Variants in TIAM2 observed in about 807,000 individuals in gnomAD.
TIAM2 encodes the protein TIAM Rac1 associated GEF 2.
TIAM2 carries 80 observed loss-of-function variants against 152.9 expected under a neutral mutation model. The observed-to-expected ratio is 0.52, with a 90% CI of 0.44 to 0.63. The LOEUF is 0.63. TIAM2 is among the 30% of genes least tolerant of loss of function. The pLI, the probability that TIAM2 is intolerant of heterozygous loss-of-function variation, is 0.00. For missense variants in TIAM2, 1,965 were observed against 2,120.1 expected, an observed-to-expected ratio of 0.93 and a Z score of 1.44; for synonymous variants, 804 against 838.0, an observed-to-expected ratio of 0.96 and a Z score of 0.70.
chr6:155,028,677 A>G (rs1457833509), intron 1 of TIAM2, among the ~76,000 whole-genome samples: 1 of 131,736 alleles, frequency 7.6e-6, no homozygotes, highest in African/African-American at 2.9e-5. Context: ...TGTGTTATAT[A>G]TATACTACAT....
intron 1 of TIAM2, among the ~76,000 whole-genome samples, chr6:155,064,755 G>A (rs1280770459): frequency 6.6e-6 from 1 of 152,060 alleles, no homozygotes; most frequent in East Asian, 1.9e-4. Flanking sequence ...CTTTCAGGCC[G>A]CATATTTATT....
intron 1 of TIAM2, among the ~76,000 whole-genome samples, chr6:155,055,232 C>T (rs1036293474): frequency 1.3e-5 from 2 of 152,174 alleles, no homozygotes; most frequent in African/African-American, 4.8e-5. Flanking sequence ...CCTTTTGTGG[C>T]ACTTGCTGAA....
intron 19 of TIAM2, among the ~76,000 whole-genome samples, chr6:155,246,832 T>G (rs543782866): frequency 2.6e-5 from 4 of 152,380 alleles, no homozygotes; most frequent in African/African-American, 9.6e-5. Flanking sequence ...TTGCATCTCC[T>G]AGAATGTTGT....
rs952865282 is a variant in TIAM2 at position 155,156,329 on chromosome 6, TC to T, written c.2028+7997del. Among the ~76,000 whole-genome samples the T allele has an allele frequency of 3.3e-5, 5 of 152,134 alleles. No homozygotes were observed. Among genetic ancestry groups the T allele is most frequent in the African/African-American group, 7.2e-5 (3 of 41,428 alleles). ...GTTTCGCCCTTCGTCTGATGCATCT[TC>T]CATACAACAGCCAGACTGGGTTGCA... is the stretch of plus-strand genomic sequence containing the variant. On this transcript the variant is annotated intron_variant, in intron 7 of 26. Transcript: ENST00000682666. This position sits in a 1 kb window ranked among gnomAD's most constrained non-coding sequence, Gnocchi z 4.4.
intron 15 of TIAM2, chr6:155,216,593 A>G (rs1308216324): frequency 2.0e-5 from 3 of 153,122 alleles, no homozygotes; most frequent in African/African-American, 7.2e-5. Flanking sequence ...ATTGTTAGCA[A>G]TTAGCATGTG....
chr6:155,234,201 T>C (rs753895646), intron 15 of TIAM2, among the ~76,000 whole-genome samples: 3 of 152,184 alleles, frequency 2.0e-5, no homozygotes, highest in Non-Finnish European at 4.4e-5. Flanking sequence ...GAGGCCCCCA[T>C]TTCAAGTGCC....
chr6:155,004,478 C>A (rs1778365515), intron 1 of TIAM2, among the ~76,000 whole-genome samples: 1 of 152,174 alleles, frequency 6.6e-6, no homozygotes, highest in Non-Finnish European at 1.5e-5. Context: ...GCAACCCCCA[C>A]CTCCTGGGTT....
intron 1 of TIAM2, among the ~76,000 whole-genome samples, chr6:155,025,984 C>G (rs560169501): frequency 1.1e-4 from 16 of 152,156 alleles, no homozygotes; most frequent in African/African-American, 3.4e-4. Context: ...ATGGAACACC[C>G]GCTAGTCTAC....
At chr6:155,255,357 T>C (rs1783933056) in intron 26 of TIAM2, 1 of 152,194 alleles carries the variant, frequency 6.6e-6, no homozygotes, top group African/African-American at 2.4e-5. Flanking sequence ...TCTGCTTGTT[T>C]CTAAAATTTC....
At chr6:155,028,256 A>G (rs1156988384) in intron 1 of TIAM2, among the ~76,000 whole-genome samples, 10 of 130,730 alleles carry the variant, frequency 7.6e-5, no homozygotes, top group Non-Finnish European at 1.3e-4. Flanking sequence ...ACTGTGTTAC[A>G]TATATACTAC....
chr6:155,250,990 A>G lies in TIAM2; in HGVS notation c.4029A>G (p.Lys1343=). ...SWLNPFLSLG[K]ARKDLELTVF... is the part of the protein sequence containing the mutation. ...TGAATCCATTTCTGTCTCTAGGAAA[A>G]GCTAGAAAGGACCTTGAGCTCACAG... Residue 1343 remains lysine (K), a synonymous_variant, in exon 22 of 27, where the codon AAA becomes AAG. Coordinates refer to ENST00000682666, the MANE Select transcript of TIAM2 (RefSeq NM_012454.4). 6.2e-7 allele frequency: 1 copy of G among 1,614,118 alleles called. No individual in the cohort carries two copies. The highest frequency in any genetic ancestry group is 1.3e-5 in the African/African-American group (1 of 75,034).
Position 155,213,486 on chromosome 6 carries a change from C to T in TIAM2, c.3168+2179C>T, listed in dbSNP as rs1781770975. On this transcript the variant is annotated intron_variant, in intron 15 of 26. Coordinates refer to ENST00000682666, the MANE Select transcript of TIAM2 (RefSeq NM_012454.4). The surrounding 1 kb of genome is among the most constrained non-coding windows in gnomAD (Gnocchi z 4.2). ...ATTGTCTCTTTGAGTCTGGCTGAGT[C>T]CAGGGCTCAGAGGGGTGGAAATGTG... 6.6e-6 allele frequency among the ~76,000 whole-genome samples: 1 copy of T among 152,162 alleles called. No individual in the cohort carries two copies. The highest frequency in any genetic ancestry group is 2.1e-4 in the South Asian group (1 of 4,824).
intron 20 of TIAM2, among the ~76,000 whole-genome samples, chr6:155,249,009 T>A (rs1425565300): frequency 6.6e-6 from 1 of 152,254 alleles, no homozygotes; most frequent in African/African-American, 2.4e-5. Context: ...GACAGTTAAC[T>A]TCTATAAGTA....
At chr6:155,044,512 G>C (rs1022204295) in intron 1 of TIAM2, among the ~76,000 whole-genome samples, 3 of 151,562 alleles carry the variant, frequency 2.0e-5, no homozygotes, top group Admixed American at 2.0e-4. Context: ...GTCTTAGTTA[G>C]CTGCTTTTGA....
intron 14 of TIAM2, among the ~76,000 whole-genome samples, chr6:155,198,480 T>C (rs1781398339): frequency 6.6e-6 from 1 of 151,884 alleles, no homozygotes; most frequent in African/African-American, 2.4e-5. Flanking sequence ...CTCACCAACA[T>C]GGAGAAACCC....
In TIAM2 at chr6:155,182,283, G is replaced by A. The variant is rs1248231298; in HGVS notation, c.2765G>A (p.Ser922Asn). ...CAGCATCTCAGCCGGATATTTATAA[G>A]CGACGTTCTTCCCGATGGCCTGGCG... is the stretch of plus-strand genomic sequence containing the variant. Reference protein sequence around the residue: ...ERQHLSRIFISDVLPDGLAYG... With the variant: ...ERQHLSRIFINDVLPDGLAYG... The change falls in exon 13 of 27, where the codon AGC becomes AAC. Residue 922 changes from serine (S) to asparagine (N), a missense_variant. Ser to Asn is a conservative substitution (Grantham distance 46). This residue lies in a region of TIAM2 where 935 missense variants were observed against 980.0 expected (regional missense o/e 0.95). Coordinates refer to ENST00000682666, the MANE Select transcript of TIAM2 (RefSeq NM_012454.4). The A allele has an allele frequency of 6.2e-7, 1 of 1,614,176 alleles. No homozygotes were observed. Among genetic ancestry groups the A allele is most frequent in the East Asian group, 2.2e-5 (1 of 44,886 alleles).
chr6:155,020,729 C>G (rs1776462204), intron 1 of TIAM2, among the ~76,000 whole-genome samples: 1 of 152,200 alleles, frequency 6.6e-6, no homozygotes, highest in South Asian at 2.1e-4. Flanking sequence ...TCCCAAAGTG[C>G]TGGGATTACA....
intron 1 of TIAM2, among the ~76,000 whole-genome samples, chr6:155,065,103 G>A (rs909601310): frequency 3.3e-5 from 5 of 152,036 alleles, no homozygotes; most frequent in African/African-American, 1.2e-4. Context: ...ACAGGCACCC[G>A]ACACCACGCC....
intron 1 of TIAM2, among the ~76,000 whole-genome samples, chr6:155,028,420 T>C (rs1458518174): frequency 1.5e-5 from 2 of 133,646 alleles, no homozygotes; most frequent in African/African-American, 5.4e-5. Context: ...TTACATATAC[T>C]ACATATAATA....
Sources: allele counts gnomAD v4.1 joint callset (sites outside exome capture counted in the v4.1 genomes callset), GRCh38; gene constraint gnomAD v4.1.1; regional missense constraint gnomAD v4.1.1; non-coding constraint Gnocchi (gnomAD v3.1); transcripts MANE v1.5; gene names NCBI Gene and HGNC (gene_info 2026-07-23, HGNC 2026-07-21).